The following GABBR2 variants were observed in gnomAD, a reference collection of about 807,000 sequenced individuals.
GABBR2 encodes the protein G-protein coupled receptor 51.
GABBR2 carries 23 observed loss-of-function variants against 105.6 expected under a neutral mutation model. That is an observed-to-expected ratio of 0.22 (90% CI 0.16 to 0.31). GABBR2 has a LOEUF of 0.31. Among genes scored for constraint, GABBR2 ranks in the 10% least tolerant of loss-of-function variants. GABBR2 has a pLI of 1.00. For synonymous variants in GABBR2, 478 were observed against 499.7 expected, an observed-to-expected ratio of 0.96 and a Z score of 0.58; for missense variants, 734 against 1,245.5, an observed-to-expected ratio of 0.59 and a Z score of 6.18.
At chr9:98,409,507 T>C (rs1564056292) in intron 7 of GABBR2, among the ~76,000 whole-genome samples, 1 of 152,168 alleles carries the variant, frequency 6.6e-6, no homozygotes, top group African/African-American at 2.4e-5. Context: ...TGTCTTCCGT[T>C]TGACTCCTCT....
intron 2 of GABBR2, among the ~76,000 whole-genome samples, chr9:98,563,894 A>G (rs1168682454): frequency 6.6e-6 from 1 of 152,226 alleles, no homozygotes; most frequent in East Asian, 1.9e-4. Context: ...CTCTATTTAG[A>G]AAAAAAATCA....
chr9:98,335,079 T>A (rs1160765015), intron 13 of GABBR2, among the ~76,000 whole-genome samples: 4 of 152,164 alleles, frequency 2.6e-5, no homozygotes, highest in Non-Finnish European at 4.4e-5. Context: ...CCCTCTGTCT[T>A]CCCATTGCAA....
intron 7 of GABBR2, among the ~76,000 whole-genome samples, chr9:98,442,206 G>A (rs1762294908): frequency 1.3e-5 from 2 of 152,252 alleles, no homozygotes; most frequent in African/African-American, 4.8e-5. Context: ...CCAGTGCTGT[G>A]GCCAGAGCTT....
intron 3 of GABBR2, among the ~76,000 whole-genome samples, chr9:98,531,658 G>A (rs1828070250): frequency 6.6e-6 from 1 of 152,250 alleles, no homozygotes; most frequent in South Asian, 2.1e-4. Flanking sequence ...CTGCTAGTGG[G>A]CTGCACTTCC....
At chr9:98,707,855 G>A (rs1830919192) in intron 1 of GABBR2, among the ~76,000 whole-genome samples, 1 of 152,230 alleles carries the variant, frequency 6.6e-6, no homozygotes, top group Non-Finnish European at 1.5e-5. Flanking sequence ...TTGCCCGCGC[G>A]GAGCGGGCTC....
At chr9:98,365,570 T>A (rs1831661770) in intron 12 of GABBR2, among the ~76,000 whole-genome samples, 1 of 152,266 alleles carries the variant, frequency 6.6e-6, no homozygotes. Context: ...GGGTTTAGGC[T>A]AAGTAGTTAT....
At chr9:98,520,665 G>A (rs954068898) in intron 3 of GABBR2, among the ~76,000 whole-genome samples, 11 of 152,356 alleles carry the variant, frequency 7.2e-5, no homozygotes, top group Middle Eastern at 3.4e-3. Flanking sequence ...GGCTTTCAAA[G>A]GGGATGGAAA....
intron 1 of GABBR2, among the ~76,000 whole-genome samples, chr9:98,626,516 C>A (rs1182932253): frequency 6.6e-6 from 1 of 152,120 alleles, no homozygotes; most frequent in Non-Finnish European, 1.5e-5. Flanking sequence ...GAGCCTGGGT[C>A]AAATCCTGAT....
At chr9:98,451,290 G>A (rs1246100408) in intron 7 of GABBR2, among the ~76,000 whole-genome samples, 2 of 152,126 alleles carry the variant, frequency 1.3e-5, no homozygotes, top group African/African-American at 4.8e-5. Context: ...TTATATACCA[G>A]GCTCCATGTG....
At chr9:98,303,165 C>T (rs995859641) in intron 16 of GABBR2, 76 bp downstream of exon 16, 1 of 1,223,412 alleles carries the variant, frequency 8.2e-7, no homozygotes, top group African/African-American at 1.5e-5. Flanking sequence ...TCTAGAGGAG[C>T]CTGAGAGTCC....
rs113913716 is a variant in GABBR2, at chr9:98,573,071, G to C, written c.459+4864C>G. Among the ~76,000 whole-genome samples, 765 of 152,228 alleles carry C rather than the reference G, an allele frequency of 5.0e-3. 11 individuals carry two copies. Among genetic ancestry groups the C allele is most frequent in the African/African-American group, 0.017 (725 of 41,556 alleles). On this transcript the variant is annotated intron_variant, in intron 2 of 18. Coordinates refer to ENST00000259455, the MANE Select transcript of GABBR2 (RefSeq NM_005458.8). The stretch of plus-strand genomic sequence containing the variant: ...TACAGTCAGGGCCACACTGTGAGAG[G>C]CTCCGCCATGCAGCATCTCAGGCCC...
chr9:98,430,619 A>T (rs1252383595), intron 7 of GABBR2, among the ~76,000 whole-genome samples: 2 of 152,012 alleles, frequency 1.3e-5, no homozygotes, highest in Non-Finnish European at 2.9e-5. Flanking sequence ...TTTCCTCTGT[A>T]CATGTGCCAG....
At chr9:98,423,519 G>A (rs1243991947) in intron 7 of GABBR2, among the ~76,000 whole-genome samples, 2 of 152,276 alleles carry the variant, frequency 1.3e-5, no homozygotes, top group East Asian at 1.9e-4. Flanking sequence ...TTTGTCAGAT[G>A]AGTAGGTTGC....
At chr9:98,430,621 A>G (rs1400715298) in intron 7 of GABBR2, among the ~76,000 whole-genome samples, 3 of 152,054 alleles carry the variant, frequency 2.0e-5, no homozygotes, top group African/African-American at 7.2e-5. Flanking sequence ...TCCTCTGTAC[A>G]TGTGCCAGTA....
In GABBR2 at chr9:98,395,902, T is replaced by C. The variant is rs1284054004; in HGVS notation, c.1298-1647A>G. On this transcript the variant is annotated intron_variant, in intron 8 of 18. Transcript: ENST00000259455. The stretch of plus-strand genomic sequence containing the variant: ...GCTGGGGGTACTGACCGAGCCTCTA[T>C]AGTGTGCTGGATCAGTGCTATTTTA... Among the ~76,000 whole-genome samples the C allele has an allele frequency of 4.6e-5, 7 of 152,120 alleles. No homozygotes were observed. The East Asian group carries it at 1.2e-3, about 25-fold the overall frequency.
chr9:98,647,223 C>T (rs755239829), intron 1 of GABBR2, among the ~76,000 whole-genome samples: 2 of 152,192 alleles, frequency 1.3e-5, no homozygotes, highest in African/African-American at 4.8e-5. Flanking sequence ...CTGAGTTGCC[C>T]ATCACTGGGA....
rs1030059916 is a variant in GABBR2, at chr9:98,430,146, C to T, written c.1236+23835G>A. Among the ~76,000 whole-genome samples the T allele has an allele frequency of 2.6e-5, 4 of 151,898 alleles. 1 individual carries two copies. Among genetic ancestry groups the T allele is most frequent in the Admixed American group, 2.6e-4 (4 of 15,246 alleles). ...CTAAAATAAAAATAAAAAAATTAGC[C>T]GGGCTTGGTGGTGCACATCTGTAGT... On this transcript the variant is annotated intron_variant, in intron 7 of 18. Coordinates refer to ENST00000259455, the MANE Select transcript of GABBR2 (RefSeq NM_005458.8).
rs377742713 is a variant in GABBR2, at chr9:98,404,841, A to G, written c.1297+1240T>C. Among the ~76,000 whole-genome samples, 201 of 152,258 alleles carry G rather than the reference A, an allele frequency of 1.3e-3. 1 individual carries two copies. Among genetic ancestry groups the G allele is most frequent in the African/African-American group, 4.7e-3 (196 of 41,552 alleles). On this transcript the variant is annotated intron_variant, in intron 8 of 18. Transcript: ENST00000259455. ...AATGTTCTGTAAAAAGTGGTGGGTTATAATAGATGAAAAGAGACTAAAGAG... is the reference window on the plus strand; with the variant it reads ...AATGTTCTGTAAAAAGTGGTGGGTTGTAATAGATGAAAAGAGACTAAAGAG...
At chr9:98,683,940 G>A (rs1453648030) in intron 1 of GABBR2, among the ~76,000 whole-genome samples, 1 of 143,040 alleles carries the variant, frequency 7.0e-6, no homozygotes, top group African/African-American at 2.6e-5. Context: ...CCCAGGAGGC[G>A]GAGCTTGCAG....
Sources: allele counts gnomAD v4.1 joint callset (sites outside exome capture counted in the v4.1 genomes callset), GRCh38; gene constraint gnomAD v4.1.1; transcripts MANE v1.5; gene names NCBI Gene and HGNC (gene_info 2026-07-23, HGNC 2026-07-21).